ERC1: variants seen among roughly 807,000 people sequenced by gnomAD.
ERC1 encodes RAB6 interacting protein 2.
Under a neutral mutation model 132.0 loss-of-function variants are expected in ERC1, and 56 were observed. That is an observed-to-expected ratio of 0.42 (90% CI 0.34 to 0.53). The LOEUF (loss-of-function observed/expected upper bound fraction) is 0.53. ERC1 is among the 20% of genes least tolerant of loss of function. The pLI is 0.03. For missense variants in ERC1, 1,202 were observed against 1,349.9 expected (o/e 0.89, Z 1.72); for synonymous variants, 478 against 476.1 (o/e 1.00, Z -0.05).
intron 12 of ERC1, 45 bp from the exon 13 acceptor site, chr12:1,236,724 T>G (rs1466102810): frequency 5.7e-6 from 9 of 1,582,254 alleles, no homozygotes; most frequent in Non-Finnish European, 7.8e-6. Flanking sequence ...TATTTGTTTC[T>G]ATACATACAT....
At chr12:1,073,955 C>T (rs1399827308) in intron 2 of ERC1, among the ~76,000 whole-genome samples, 1 of 150,252 alleles carries the variant, frequency 6.7e-6, no homozygotes. Flanking sequence ...CAACCTCCGC[C>T]TCCCGGATAA....
intron 2 of ERC1, among the ~76,000 whole-genome samples, chr12:1,028,825 G>T (rs946073373): frequency 7.0e-6 from 1 of 143,872 alleles, no homozygotes; most frequent in Admixed American, 7.0e-5. Context: ...CTTTCTCTTC[G>T]TGTCTTTCCT....
chr12:1,160,288 T>C (rs1296895696), intron 8 of ERC1, among the ~76,000 whole-genome samples: 1 of 152,238 alleles, frequency 6.6e-6, no homozygotes, highest in Non-Finnish European at 1.5e-5. Flanking sequence ...AAACTGCTGA[T>C]CAGATTGATA....
At chr12:1,195,743 C>T (rs563015059) in intron 12 of ERC1, among the ~76,000 whole-genome samples, 8 of 152,194 alleles carry the variant, frequency 5.3e-5, no homozygotes, top group African/African-American at 1.9e-4. Flanking sequence ...ATGGACTATT[C>T]CTGAAACTGC....
At chr12:1,010,457 G>A (rs1964491179) in intron 1 of ERC1, among the ~76,000 whole-genome samples, 2 of 147,802 alleles carry the variant, frequency 1.4e-5, no homozygotes, top group South Asian at 4.3e-4. Context: ...TCCAGCCTGG[G>A]TGACAGAGGA....
intron 15 of ERC1, among the ~76,000 whole-genome samples, chr12:1,292,315 C>T (rs941913178): frequency 6.6e-6 from 1 of 152,098 alleles, no homozygotes; most frequent in Non-Finnish European, 1.5e-5. Context: ...AATAGGTAGC[C>T]TCCTATATGC....
chr12:1,115,475 CCAT>C (rs1168660109), intron 6 of ERC1: 1 of 155,986 alleles, frequency 6.4e-6, no homozygotes, highest in East Asian at 1.9e-4. Flanking sequence ...TGCATTTGAT[CCAT>C]CATGTTCTGA....
At chr12:1,042,535 A>G (rs1051646746) in intron 2 of ERC1, among the ~76,000 whole-genome samples, 19 of 150,692 alleles carry the variant, frequency 1.3e-4, no homozygotes, top group Admixed American at 8.6e-4. Flanking sequence ...TAGTAGAGAC[A>G]GGGTTTCACT....
intron 15 of ERC1, among the ~76,000 whole-genome samples, chr12:1,309,910 A>G (rs925385658): frequency 1.5e-4 from 22 of 151,686 alleles, no homozygotes; most frequent in African/African-American, 4.6e-4. Context: ...AATAGTACCT[A>G]GTGCTGAGGG....
At chr12:1,449,387 G>A (rs1366029175) in intron 18 of ERC1, among the ~76,000 whole-genome samples, 5 of 152,082 alleles carry the variant, frequency 3.3e-5, no homozygotes, top group Admixed American at 2.6e-4. Flanking sequence ...ATCTTAAATT[G>A]TAGTTCCCAT....
chr12:1,068,773 A>G (rs937579313), intron 2 of ERC1, among the ~76,000 whole-genome samples: 1 of 151,872 alleles, frequency 6.6e-6, no homozygotes, highest in African/African-American at 2.4e-5. Context: ...TTAGCAGACT[A>G]ATTTTTTTTC....
At chr12:1,269,499 A>G (rs935656495) in intron 14 of ERC1, among the ~76,000 whole-genome samples, 1 of 152,178 alleles carries the variant, frequency 6.6e-6, no homozygotes, top group South Asian at 2.1e-4. Context: ...CCTTTTATAT[A>G]AGGCCATTCC....
intron 3 of ERC1, among the ~76,000 whole-genome samples, chr12:1,084,436 A>G (rs1942675042): frequency 6.6e-6 from 1 of 152,182 alleles, no homozygotes; most frequent in South Asian, 2.1e-4. Context: ...TTTTAAAAAT[A>G]CTTCTAAATT....
intron 15 of ERC1, among the ~76,000 whole-genome samples, chr12:1,315,609 G>A (rs925318387): frequency 6.6e-5 from 10 of 152,102 alleles, no homozygotes; most frequent in African/African-American, 1.4e-4. Context: ...TTTGGAGGCC[G>A]AGGTGGGCGG....
intron 16 of ERC1, chr12:1,379,973 A>G (rs2088439973): frequency 6.6e-6 from 1 of 152,250 alleles, no homozygotes; most frequent in South Asian, 2.1e-4. Flanking sequence ...ATGTCCATGC[A>G]GTGAAATGCT....
At chr12:1,127,294 GA>G (rs1948294254) in intron 7 of ERC1, among the ~76,000 whole-genome samples, 1 of 152,118 alleles carries the variant, frequency 6.6e-6, no homozygotes, top group Non-Finnish European at 1.5e-5. Context: ...ATATTTCCCA[GA>G]AAAACTTTCC....
chr12:1,108,698 G>A (rs367900090), intron 4 of ERC1, among the ~76,000 whole-genome samples: 5 of 152,110 alleles, frequency 3.3e-5, no homozygotes, highest in African/African-American at 1.2e-4. Context: ...CCTGGTTTAG[G>A]TATAGAATGA....
At chr12:1,410,044 G>A (rs1469181000) in intron 17 of ERC1, among the ~76,000 whole-genome samples, 1 of 152,000 alleles carries the variant, frequency 6.6e-6, no homozygotes, top group Non-Finnish European at 1.5e-5. Flanking sequence ...TAGATTACTT[G>A]TAACCTAATA....
At chr12:1,416,970 G>T (rs1255193175) in intron 17 of ERC1, among the ~76,000 whole-genome samples, 1 of 151,964 alleles carries the variant, frequency 6.6e-6, no homozygotes, top group Non-Finnish European at 1.5e-5. Context: ...CACTTTCTCT[G>T]TCTTCCTCTT....
Sources: gnomAD v4.1 joint callset for allele counts (sites outside exome capture counted in the v4.1 genomes callset) on GRCh38, gnomAD v4.1.1 for gene constraint, MANE v1.5 for transcripts, NCBI Gene and HGNC (gene_info 2026-07-23, HGNC 2026-07-21) for gene names.